The following ZNF385D variants were observed in gnomAD, a reference collection of about 807,000 sequenced individuals.
The protein encoded by ZNF385D is zinc finger protein 659.
Under a neutral mutation model 35.8 loss-of-function variants are expected in ZNF385D, and 15 were observed. That is an observed-to-expected ratio of 0.42 (90% CI 0.28 to 0.64). The LOEUF (loss-of-function observed/expected upper bound fraction) is 0.64, where lower values mean the gene tolerates loss of function less well. ZNF385D is among the 30% of genes least tolerant of loss of function. The pLI is 0.23. For synonymous variants in ZNF385D, 212 were observed against 186.8 expected, an observed-to-expected ratio of 1.13 and a Z score of -1.10; for missense variants, 474 against 494.6, an observed-to-expected ratio of 0.96 and a Z score of 0.39.
At chr3:21,784,707 C>T (rs1357704137) in intron 3 of ZNF385D, among the ~76,000 whole-genome samples, 1 of 151,324 alleles carries the variant, frequency 6.6e-6, no homozygotes, top group Non-Finnish European at 1.5e-5. Flanking sequence ...TAGACATTTC[C>T]TATTTTAAGA....
intron 3 of ZNF385D, among the ~76,000 whole-genome samples, chr3:22,080,975 A>T (rs1241569463): frequency 6.6e-6 from 1 of 152,220 alleles, no homozygotes. Flanking sequence ...TTTGTTGTTC[A>T]TAAGCCACCC....
At chr3:21,455,069 C>T (rs1702708844) in intron 4 of ZNF385D, among the ~76,000 whole-genome samples, 2 of 152,090 alleles carry the variant, frequency 1.3e-5, no homozygotes, top group Non-Finnish European at 2.9e-5. Context: ...CAAGCCACTG[C>T]TCAATGAAAT....
At chr3:22,094,410 A>ATATATATATATATATAT (rs1386186822) in intron 3 of ZNF385D, among the ~76,000 whole-genome samples, 56 of 83,392 alleles carry the variant, frequency 6.7e-4, no homozygotes, top group Non-Finnish European at 9.5e-4. Flanking sequence ...ATATATATAT[A>ATATATATATATATATAT]AAGGCATTTG....
chr3:22,265,709 T>C (rs146234942), intron 2 of ZNF385D, among the ~76,000 whole-genome samples: 1 of 152,024 alleles, frequency 6.6e-6, no homozygotes, highest in African/African-American at 2.4e-5. Flanking sequence ...GGCTTGAATA[T>C]CAACCTTCCT....
chr3:22,137,750 A>G (rs140626310), intron 3 of ZNF385D, among the ~76,000 whole-genome samples: 4,649 of 152,208 alleles, frequency 0.031, 207 homozygotes, highest in African/African-American at 0.1. Context: ...TTCCCTTTGA[A>G]AACTGGCACA....
Position 22,196,207 on chromosome 3 carries a change from C to G in ZNF385D, c.107-27172G>C, listed in dbSNP as rs1002364768. ...AATAAATAAATAAATGTTTGCTAAT[C>G]GAATAGGTGGAAAACAGTTACAGCT... On this transcript the variant is annotated intron_variant, in intron 2 of 5. Coordinates refer to the ZNF385D transcript ENST00000494108. Among the ~76,000 whole-genome samples, 18 of 151,962 alleles carry G rather than the reference C, an allele frequency of 1.2e-4. No homozygotes were observed. The South Asian group carries it at 3.7e-3, about 31-fold the overall frequency.
intron 2 of ZNF385D, among the ~76,000 whole-genome samples, chr3:22,280,355 T>G (rs1256088366): frequency 6.6e-6 from 1 of 151,246 alleles, no homozygotes; most frequent in Non-Finnish European, 1.5e-5. Flanking sequence ...CCTAAGCCAT[T>G]GTCTAGAAGG....
intron 3 of ZNF385D, chr3:21,777,835 C>G (rs1402416962): frequency 6.6e-6 from 1 of 151,776 alleles, no homozygotes; most frequent in Non-Finnish European, 1.5e-5. Context: ...ATGAGAAAAA[C>G]CTACCCTGCT....
chr3:21,718,009 A>G (rs536165154), intron 1 of ZNF385D, among the ~76,000 whole-genome samples: 25 of 152,308 alleles, frequency 1.6e-4, no homozygotes, highest in Non-Finnish European at 2.5e-4. Flanking sequence ...TTCAAATTCA[A>G]TAAGTCTGGG....
upstream of ZNF385D, among the ~76,000 whole-genome samples, chr3:21,755,938 T>A (rs79566307): frequency 0.022 from 3,340 of 152,166 alleles, 112 homozygotes; most frequent in African/African-American, 0.075. Context: ...TAGAGTAGAG[T>A]AGATCTTAAA....
chr3:21,437,457 G>C (rs1021792759), intron 4 of ZNF385D, among the ~76,000 whole-genome samples: 1 of 151,784 alleles, frequency 6.6e-6, no homozygotes, highest in Non-Finnish European at 1.5e-5. Flanking sequence ...ATTCTATGGG[G>C]TAAATATCCA....
chr3:22,187,714 G>A (rs1287833258), intron 2 of ZNF385D, among the ~76,000 whole-genome samples: 1 of 152,036 alleles, frequency 6.6e-6, no homozygotes, highest in Non-Finnish European at 1.5e-5. Flanking sequence ...TTTTAACATT[G>A]GTTTATAACT....
chr3:22,006,192 CAG>C (rs755171679), intron 3 of ZNF385D, among the ~76,000 whole-genome samples: 128 of 152,120 alleles, frequency 8.4e-4, no homozygotes, highest in Non-Finnish European at 9.6e-4. Context: ...TAAACCTATG[CAG>C]AGTTTTAATT....
chr3:21,929,790 T>G (rs1290129737), intron 3 of ZNF385D, among the ~76,000 whole-genome samples: 2 of 152,014 alleles, frequency 1.3e-5, no homozygotes, highest in Non-Finnish European at 2.9e-5. Flanking sequence ...AATAATACTG[T>G]AAGAAATTAA....
chr3:21,882,141 G>A (rs1006804149), intron 3 of ZNF385D, among the ~76,000 whole-genome samples: 1 of 152,014 alleles, frequency 6.6e-6, no homozygotes, highest in African/African-American at 2.4e-5. Context: ...TCAGAGGACT[G>A]ACTGCAATTT....
At chr3:21,705,175 T>C (rs899433671) in intron 1 of ZNF385D, among the ~76,000 whole-genome samples, 1 of 152,248 alleles carries the variant, frequency 6.6e-6, no homozygotes, top group Non-Finnish European at 1.5e-5. Flanking sequence ...AAATATTGTA[T>C]GAACCAAATG....
intron 1 of ZNF385D, among the ~76,000 whole-genome samples, chr3:21,732,040 T>G (rs1188351399): frequency 0.033 from 715 of 21,670 alleles, 229 homozygotes; most frequent in African/African-American, 0.08. Context: ...GTTTTTTTTT[T>G]TTTTTTTTTT....
In ZNF385D at chr3:22,016,957, A is replaced by AAC. The variant is rs558898355; in HGVS notation, c.325+151858_325+151859dup. 9.4e-3 allele frequency among the ~76,000 whole-genome samples: 1,231 copies of AAC among 131,242 alleles called. 50 individuals carry two copies. The highest frequency in any genetic ancestry group is 0.078 in the Admixed American group (1,068 of 13,744). 86.1% of individuals were successfully genotyped at this position (131,242 alleles called of 152,430 possible). A position where few individuals can be genotyped will look rare whatever the true frequency, so the allele number is the denominator to read the frequency against. ...TCGGACACACACACACACACACACA[A>AAC]ACACACACACACACTTTCTCATTTA... On this transcript the variant is annotated intron_variant, in intron 3 of 5. Coordinates refer to the ZNF385D transcript ENST00000494108.
At chr3:22,123,954 CTCTCTCTCTATATATATATATA>C in intron 3 of ZNF385D, among the ~76,000 whole-genome samples, 1 of 93,752 alleles carries the variant, frequency 1.1e-5, no homozygotes, top group African/African-American at 3.7e-5. Flanking sequence ...CTCTCTCTCT[CTCTCTCTCTATATATATATATA>C]TATATATATA....
Sources: gnomAD v4.1 joint callset for allele counts (sites outside exome capture counted in the v4.1 genomes callset) on GRCh38, gnomAD v4.1.1 for gene constraint, MANE v1.5 for transcripts, NCBI Gene and HGNC (gene_info 2026-07-23, HGNC 2026-07-21) for gene names.